The following PTPRE variants were observed in gnomAD, a reference collection of about 807,000 sequenced individuals.
The protein encoded by PTPRE is receptor-type tyrosine-protein phosphatase epsilon.
Under a neutral mutation model 102.0 loss-of-function variants are expected in PTPRE, and 51 were observed. The observed-to-expected ratio is 0.50, with a 90% CI of 0.40 to 0.63. The LOEUF is 0.63. Among genes scored for constraint, PTPRE ranks in the 30% least tolerant of loss-of-function variants. The pLI is 0.00. For missense variants in PTPRE, 752 were observed against 915.1 expected, an observed-to-expected ratio of 0.82 and a Z score of 2.30; for synonymous variants, 345 against 348.2, an observed-to-expected ratio of 0.99 and a Z score of 0.10.
chr10:127,999,143 T>G (rs563533392), intron 2 of PTPRE: 4 of 152,386 alleles, frequency 2.6e-5, no homozygotes, highest in African/African-American at 9.6e-5. Flanking sequence ...CCGAGAGCTC[T>G]GCTGTGCCAC....
At chr10:128,022,176 G>A (rs1321137056) in intron 2 of PTPRE, among the ~76,000 whole-genome samples, 3 of 152,130 alleles carry the variant, frequency 2.0e-5, no homozygotes, top group African/African-American at 7.2e-5. Context: ...TACCATGTTC[G>A]GAAGCCCTGG....
At chr10:127,923,155 T>C (rs971789737) in intron 1 of PTPRE, among the ~76,000 whole-genome samples, 8 of 152,234 alleles carry the variant, frequency 5.3e-5, no homozygotes, top group Non-Finnish European at 1.0e-4. Context: ...ACATGAGTAA[T>C]AGCAAAGCAA....
chr10:127,993,492 G>A (rs966357602), intron 2 of PTPRE, among the ~76,000 whole-genome samples: 32 of 152,174 alleles, frequency 2.1e-4, no homozygotes, highest in African/African-American at 7.0e-4. Flanking sequence ...TGGAGGGGGC[G>A]AGGGAGCCCA....
rs149526462 is a variant in PTPRE, at chr10:127,970,603, G to A, written c.-30-11671G>A. Reference sequence around the variant, plus strand: ...TATCTGCTGAGCCGTGGATTACACAGTAGAGCCACCGATGAAATGATGCCT... The same window carrying A: ...TATCTGCTGAGCCGTGGATTACACAATAGAGCCACCGATGAAATGATGCCT... On this transcript the variant is annotated intron_variant, in intron 1 of 20. Transcript: ENST00000254667. Among the ~76,000 whole-genome samples the A allele has an allele frequency of 3.2e-3, 489 of 152,028 alleles. 2 individuals are homozygous for A. The highest frequency in any genetic ancestry group is 0.011 in the African/African-American group (461 of 41,464).
chr10:127,988,304 CTTTTTTTT>C (rs57166500), intron 2 of PTPRE, among the ~76,000 whole-genome samples: 1 of 123,842 alleles, frequency 8.1e-6, no homozygotes, highest in Non-Finnish European at 1.6e-5. Context: ...TTTTTCTTTT[CTTTTTTTT>C]TTTTTTTTTT....
chr10:127,911,844 T>G (rs1015647677), intron 1 of PTPRE, among the ~76,000 whole-genome samples: 1 of 152,140 alleles, frequency 6.6e-6, no homozygotes, highest in Non-Finnish European at 1.5e-5. Flanking sequence ...AGAGTTTATT[T>G]TGGAGGATTA....
chr10:127,970,206 G>A (rs1046861906), intron 1 of PTPRE, among the ~76,000 whole-genome samples: 9 of 152,090 alleles, frequency 5.9e-5, no homozygotes, highest in Non-Finnish European at 8.8e-5. Context: ...CTTGGGTGGG[G>A]GACACCCCAC....
intron 2 of PTPRE, among the ~76,000 whole-genome samples, chr10:128,013,406 C>A (rs1195748856): frequency 6.6e-6 from 1 of 152,116 alleles, no homozygotes; most frequent in Non-Finnish European, 1.5e-5. Context: ...GAGGGAGAAT[C>A]CTATCTTGGA....
intron 16 of PTPRE, among the ~76,000 whole-genome samples, 180 bp from the exon 17 acceptor site, chr10:128,073,157 C>T (rs1850931937): frequency 6.6e-6 from 1 of 152,208 alleles, no homozygotes; most frequent in Non-Finnish European, 1.5e-5. Flanking sequence ...GATAAGCGAG[C>T]TTCTTGACCT....
intron 2 of PTPRE, among the ~76,000 whole-genome samples, chr10:127,988,307 T>TTC: frequency 1.1e-5 from 1 of 88,488 alleles, no homozygotes; most frequent in Non-Finnish European, 2.2e-5. Context: ...TTCTTTTCTT[T>TTC]TTTTTTTTTT....
At chr10:128,051,766 C>A (rs188963915) in intron 6 of PTPRE, among the ~76,000 whole-genome samples, 1 of 152,192 alleles carries the variant, frequency 6.6e-6, no homozygotes, top group African/African-American at 2.4e-5. Flanking sequence ...AGGGTAGAGA[C>A]GCGGTGGAGG....
intron 1 of PTPRE, among the ~76,000 whole-genome samples, chr10:127,963,785 T>C (rs565109623): frequency 2.0e-5 from 3 of 152,190 alleles, no homozygotes; most frequent in Non-Finnish European, 4.4e-5. Flanking sequence ...CACACCATCC[T>C]GGTGCTGAGC....
chr10:127,947,298 G>A (rs1022519627), intron 1 of PTPRE, among the ~76,000 whole-genome samples: 7 of 152,066 alleles, frequency 4.6e-5, no homozygotes, highest in Non-Finnish European at 7.4e-5. Context: ...ATTCTCAGAG[G>A]TATGTTTATC....
At chr10:128,061,394 A>G (rs1189306388) in intron 8 of PTPRE, among the ~76,000 whole-genome samples, 1 of 152,242 alleles carries the variant, frequency 6.6e-6, no homozygotes, top group Non-Finnish European at 1.5e-5. Flanking sequence ...ACAACATAAA[A>G]TAAATTGTAC....
chr10:128,005,897 G>A (rs982052632), intron 2 of PTPRE, among the ~76,000 whole-genome samples: 4 of 152,084 alleles, frequency 2.6e-5, no homozygotes, highest in South Asian at 2.1e-4. Flanking sequence ...ATTGGGTCCC[G>A]CAGTCCCTGG....
chr10:127,965,953 G>A (rs1554902407), intron 1 of PTPRE, among the ~76,000 whole-genome samples: 1 of 151,244 alleles, frequency 6.6e-6, no homozygotes, highest in African/African-American at 2.5e-5. Flanking sequence ...TCTGAGGTCC[G>A]CTGGGGGCCA....
chr10:128,076,869 A>G (rs1029366200), intron 18 of PTPRE, 141 bp downstream of exon 18: 1 of 1,219,400 alleles, frequency 8.2e-7, no homozygotes, highest in Admixed American at 2.5e-5. Context: ...TGAATGGCCA[A>G]TGGGTTTCAG....
chr10:127,975,425 AT>A (rs1194871896), intron 1 of PTPRE, among the ~76,000 whole-genome samples: 1 of 152,210 alleles, frequency 6.6e-6, no homozygotes, highest in Non-Finnish European at 1.5e-5. Flanking sequence ...CTGAATAATT[AT>A]TTAATGCCAG....
chr10:128,070,108 T>C lies in PTPRE; in HGVS notation c.1144-193T>C, dbSNP rs1850637648. 9.7e-6 allele frequency: 7 copies of C among 722,504 alleles called. No individual in the cohort carries two copies. The highest frequency in any genetic ancestry group is 1.6e-5 in the Non-Finnish European group (7 of 446,850). 44.8% of individuals were successfully genotyped at this position (722,504 alleles called of 1,614,324 possible). A position where few individuals can be genotyped will look rare whatever the true frequency, so the allele number is the denominator to read the frequency against. ...CGTGCTCACCAATGTGAGGCTCTGC[T>C]GCTACCGTTCTCCTTACTCAAGGGC... On this transcript the variant is annotated intron_variant, in intron 13 of 20. Transcript: ENST00000254667. The surrounding 1 kb of genome is among the most constrained non-coding windows in gnomAD (Gnocchi z 4.8).
Sources: allele counts gnomAD v4.1 joint callset (sites outside exome capture counted in the v4.1 genomes callset), GRCh38; gene constraint gnomAD v4.1.1; non-coding constraint Gnocchi (gnomAD v3.1); transcripts MANE v1.5; gene names NCBI Gene and HGNC (gene_info 2026-07-23, HGNC 2026-07-21).